Variants in AMZ1 observed in about 807,000 individuals in gnomAD.
The protein encoded by AMZ1 is archaemetzincin-1.
Under a neutral mutation model 29.9 loss-of-function variants are expected in AMZ1, and 39 were observed. The observed-to-expected ratio is 1.30, with a 90% confidence interval of 1.01 to 1.70. The LOEUF (loss-of-function observed/expected upper bound fraction) is 1.70. Ranked by LOEUF, AMZ1 falls within the 40% of genes most tolerant of loss-of-function variation. The pLI is 0.00. For synonymous variants in AMZ1, 458 were observed against 304.0 expected (o/e 1.51, Z -5.27); for missense variants, 1,041 against 680.6 (o/e 1.53, Z -5.89).
intron 1 of AMZ1, among the ~76,000 whole-genome samples, chr7:2,694,962 C>T (rs1211228105): frequency 1.3e-5 from 2 of 152,162 alleles, no homozygotes; most frequent in African/African-American, 4.8e-5. Context: ...CGTGAGCCAT[C>T]GCGTCCGGCC....
At chr7:2,699,758 G>C (rs1294170279) in intron 1 of AMZ1, among the ~76,000 whole-genome samples, 1 of 152,214 alleles carries the variant, frequency 6.6e-6, no homozygotes, top group African/African-American at 2.4e-5. Context: ...ATGCCGTGGA[G>C]AGGAGCATTT....
chr7:2,725,479 C>T (rs919457702), intron 4 of AMZ1, among the ~76,000 whole-genome samples: 3 of 152,214 alleles, frequency 2.0e-5, no homozygotes, highest in Admixed American at 2.0e-4. Context: ...CCCTGAACAC[C>T]GCAAATAACC....
chr7:2,712,273 C>A lies in AMZ1; in HGVS notation c.949-57C>A, dbSNP rs1788829452. 2.0e-6 allele frequency: 3 copies of A among 1,487,364 alleles called. No individual in the cohort carries two copies. The South Asian group carries it at 4.2e-5, about 21-fold the overall frequency. 92.1% of individuals were successfully genotyped at this position (1,487,364 alleles called of 1,614,324 possible). A position where few individuals can be genotyped will look rare whatever the true frequency, so the allele number is the denominator to read the frequency against. On this transcript the variant is annotated intron_variant, in intron 6 of 6. Transcript: ENST00000683327. The stretch of plus-strand genomic sequence containing the variant: ...TAGGTAAGGAGGTCTCCTGGCAGTT[C>A]CCTGGCTAGACAAGGGCTGGCACGG...
At chr7:2,741,500 T>C (rs763534128) in intron 4 of AMZ1, among the ~76,000 whole-genome samples, 4 of 152,200 alleles carry the variant, frequency 2.6e-5, no homozygotes, top group Non-Finnish European at 4.4e-5. Context: ...AGCTTTCTAC[T>C]TTTTGGGGAA....
chr7:2,700,174 CTGGGA>C, intron 1 of AMZ1, 55 bp from the exon 2 acceptor site: 1 of 496,334 alleles, frequency 2.0e-6, no homozygotes, highest in Non-Finnish European at 3.6e-6. Flanking sequence ...CATCCCTTGC[CTGGGA>C]CATCGGGCCC....
At chr7:2,706,831 C>G (rs900978763) in intron 3 of AMZ1, among the ~76,000 whole-genome samples, 1 of 140,072 alleles carries the variant, frequency 7.1e-6, no homozygotes, top group African/African-American at 3.3e-5. Flanking sequence ...CACTGTCAAT[C>G]ATCATCACCT....
rs1182279486 is a variant in AMZ1 at position 2,708,623 on chromosome 7, G to C, written c.508G>C (p.Gly170Arg). ...ILSFLKNNKPGDALCVLGLTL... is the reference protein window; with the variant it reads ...ILSFLKNNKPRDALCVLGLTL... ...GTCCTTCTTGAAGAACAACAAGCCA[G>C]GGGACGCGCTGTGTGTGCTGGGCCT... The change falls in exon 4 of 7, where the codon GGG (glycine) becomes CGG (arginine). Residue 170 changes from glycine (G) to arginine (R), a missense_variant. By Grantham distance (125) the Gly-to-Arg change is moderately radical. Transcript: ENST00000683327. 5 of 1,613,042 alleles carry C rather than the reference G, an allele frequency of 3.1e-6. No individual in the cohort carries two copies. The highest frequency in any genetic ancestry group is 4.2e-6 in the Non-Finnish European group (5 of 1,179,994).
chr7:2,760,928 C>T (rs867153100), upstream of AMZ1, among the ~76,000 whole-genome samples: 63 of 152,296 alleles, frequency 4.1e-4, 1 homozygote, highest in African/African-American at 1.5e-3. Context: ...CTGGCTGGCA[C>T]CTTCCCCACT....
At chr7:2,759,907 C>T (rs1036584588), upstream of AMZ1, among the ~76,000 whole-genome samples, 10 of 152,214 alleles carry the variant, frequency 6.6e-5, no homozygotes, top group South Asian at 4.1e-4. Context: ...TGAAAAGCTC[C>T]GCTCCCTGCT....
At chr7:2,720,374 G>C (rs4719654), downstream of AMZ1, among the ~76,000 whole-genome samples, 69,385 of 152,096 alleles carry the variant, frequency 0.46, 16,333 homozygotes, top group African/African-American at 0.55. Flanking sequence ...AAAGACTAGT[G>C]TGTGTTTTGG....
At chr7:2,751,184 T>G (rs561591310) in intron 4 of AMZ1, among the ~76,000 whole-genome samples, 4 of 151,852 alleles carry the variant, frequency 2.6e-5, no homozygotes, top group Admixed American at 6.6e-5. Context: ...GGTCAGGAGT[T>G]CAAGACCTGG....
At chr7:2,699,905 GC>G (rs1252303859) in intron 1 of AMZ1, among the ~76,000 whole-genome samples, 1 of 152,112 alleles carries the variant, frequency 6.6e-6, no homozygotes, top group Non-Finnish European at 1.5e-5. Flanking sequence ...TTCTGTGGGG[GC>G]CCATGGACAC....
At chr7:2,749,499 C>T (rs374952232) in intron 4 of AMZ1, among the ~76,000 whole-genome samples, 22 of 99,944 alleles carry the variant, frequency 2.2e-4, no homozygotes, top group African/African-American at 6.8e-4. Flanking sequence ...CATCACACAC[C>T]GGGGACTATT....
intron 3 of AMZ1, among the ~76,000 whole-genome samples, chr7:2,705,312 C>A (rs4719641): frequency 1.3e-5 from 2 of 152,018 alleles, no homozygotes; most frequent in East Asian, 1.9e-4. Flanking sequence ...CTCCCCCACC[C>A]CAGAAACAGT....
rs1181772729 is a variant in AMZ1 at position 2,731,340 on chromosome 7, G to A, written n.550+21524G>A. The A allele has an allele frequency of 3.1e-6, 5 of 1,613,948 alleles. No individual in the cohort carries two copies. Among genetic ancestry groups the A allele is most frequent in the Non-Finnish European group, 2.5e-6 (3 of 1,179,972 alleles). On this transcript the variant is annotated intron_variant and non_coding_transcript_variant, in intron 4 of 4. Transcript: ENST00000489665. The surrounding 1 kb of genome is among the most constrained non-coding windows in gnomAD (Gnocchi z 6.0). ...TCCTGTCGAAGCACTGGACCAGGTA[G>A]CGCTGGACGTCCTCCAGCCTGTGCG...
At chr7:2,747,867 T>C (rs200949640) in intron 4 of AMZ1, among the ~76,000 whole-genome samples, 1 of 152,090 alleles carries the variant, frequency 6.6e-6, no homozygotes. Context: ...TATACACCAA[T>C]AACAGACAAA....
At chr7:2,722,825 T>C (rs1213403444), downstream of AMZ1, among the ~76,000 whole-genome samples, 1 of 152,032 alleles carries the variant, frequency 6.6e-6, no homozygotes, top group African/African-American at 2.4e-5. Context: ...ATTTAAAAAT[T>C]AGCCAGGTGC....
rs146719197 is a variant in AMZ1, at chr7:2,758,311, C to G, written n.551-6401C>G. ...AAAACAAGGCTCTGCAAACACTTAT[C>G]TCATTCGCCATCCAAGTGATGACAT... On this transcript the variant is annotated intron_variant and non_coding_transcript_variant, in intron 4 of 4. Coordinates refer to the AMZ1 transcript ENST00000489665. Among the ~76,000 whole-genome samples the G allele has an allele frequency of 3.9e-5, 6 of 152,308 alleles. No homozygotes were observed. In the East Asian group the frequency reaches 9.6e-4, roughly 24 times the overall value.
Position 2,696,460 on chromosome 7 carries a change from T to G in AMZ1, c.-218-3774T>G, listed in dbSNP as rs181674896. ...TTTTAGTAGAGACGGGGTTTCACCA[T>G]GTTAGCCAGGATGGTCTCGATCTCC... On this transcript the variant is annotated intron_variant, in intron 1 of 6. Transcript: ENST00000683327. Among the ~76,000 whole-genome samples the G allele has an allele frequency of 4.7e-4, 69 of 148,352 alleles. 1 individual carries two copies. The highest frequency in any genetic ancestry group is 9.1e-4 in the African/African-American group (37 of 40,832).
Sources: gnomAD v4.1 joint callset for allele counts (sites outside exome capture counted in the v4.1 genomes callset) on GRCh38, gnomAD v4.1.1 for gene constraint, Gnocchi (gnomAD v3.1) non-coding constraint, MANE v1.5 for transcripts, NCBI Gene and HGNC (gene_info 2026-07-23, HGNC 2026-07-21) for gene names.